MAPK1IP1L: variants seen among roughly 807,000 people sequenced by gnomAD.
MAPK1IP1L encodes mitogen-activated protein kinase 1 interacting protein 1 like, also known as MAPK-interacting and spindle-stabilizing protein-like.
In MAPK1IP1L, 10 loss-of-function variants were observed where a neutral mutation model predicts 18.1. The observed-to-expected ratio is 0.55, with a 90% CI of 0.34 to 0.94. The LOEUF (loss-of-function observed/expected upper bound fraction) is 0.94, where lower values mean the gene tolerates loss of function less well. Among genes scored for constraint, MAPK1IP1L ranks in the 40% least tolerant of loss-of-function variants. The pLI, the probability that MAPK1IP1L is intolerant of heterozygous loss-of-function variation, is 0.02. For synonymous variants in MAPK1IP1L, 115 were observed against 117.3 expected (o/e 0.98, Z 0.13); for missense variants, 260 against 318.2 (o/e 0.82, Z 1.39).
In MAPK1IP1L at chr14:55,063,189, G is replaced by A. The variant is rs148212738; in HGVS notation, c.590G>A (p.Gly197Glu). Residue 197 changes from glycine (G) to glutamate (E), a missense_variant, in exon 3 of 4, where the codon GGA (glycine) becomes GAA (glutamate). Physicochemically the swap from Gly to Glu is moderately conservative, Grantham distance 98. Coordinates refer to ENST00000395468, the MANE Select transcript of MAPK1IP1L (RefSeq NM_144578.4). Reference protein sequence around the residue: ...PPVPWGTVPPGAWGPPAPYPA... With the variant: ...PPVPWGTVPPEAWGPPAPYPA... ...GTTCCATGGGGCACCGTTCCACCAG[G>A]AGCCTGGGGACCACCAGCACCATAT... 19 of 1,614,132 alleles carry A rather than the reference G, an allele frequency of 1.2e-5. No individual in the cohort carries two copies. Among genetic ancestry groups the A allele is most frequent in the Non-Finnish European group, 1.5e-5 (18 of 1,180,034 alleles).
rs750049737 is a variant in MAPK1IP1L, at chr14:55,061,662, TTTC to T, written c.-4-15_-4-13del. On this transcript the variant is annotated splice_polypyrimidine_tract_variant and intron_variant, in intron 1 of 3. Transcript: ENST00000395468. ...TTTGAAATTTTTCTTTCTTCCTTCA[TTTC>T]TTTTCTTTTTTTAGGAAAATGTCTG... 1 of 1,541,344 alleles carries T rather than the reference TTTC, an allele frequency of 6.5e-7. No individual in the cohort carries two copies. Among genetic ancestry groups the T allele is most frequent in the South Asian group, 1.2e-5 (1 of 83,322 alleles).
chr14:55,054,183 T>C (rs944581904), intron 1 of MAPK1IP1L, among the ~76,000 whole-genome samples: 2 of 148,668 alleles, frequency 1.3e-5, no homozygotes, highest in Non-Finnish European at 3.0e-5. Flanking sequence ...TTTTCTTTTT[T>C]TTTTTTTTTT....
chr14:55,055,930 AAAAAC>A (rs1317441133), intron 1 of MAPK1IP1L, among the ~76,000 whole-genome samples: 4 of 152,212 alleles, frequency 2.6e-5, no homozygotes, highest in African/African-American at 9.6e-5. Context: ...ACTCCATCTC[AAAAAC>A]AAAACAAAAA....
chr14:55,063,317 G>A lies in MAPK1IP1L; in HGVS notation c.718G>A (p.Gly240Ser). Residue 240 changes from glycine (G) to serine (S), a missense_variant, in exon 3 of 4, where the codon GGC (glycine) becomes AGC (serine). Transcript: ENST00000395468. ...TTCTGGTGCTCCACCAATGCCTGGT[G>A]GCCCCCATGTGAGTGTTCAATTTGT... The part of the protein sequence containing the change: ...GPSGAPPMPG[G>S]PHSYH 2 of 1,609,938 alleles carry A rather than the reference G, an allele frequency of 1.2e-6. No homozygotes were observed. Among genetic ancestry groups the A allele is most frequent in the Non-Finnish European group, 8.5e-7 (1 of 1,177,266 alleles).
chr14:55,051,732 C>G lies in MAPK1IP1L; in HGVS notation c.-76C>G. 1.9e-6 allele frequency: 1 copy of G among 516,136 alleles called. No individual in the cohort carries two copies. Among genetic ancestry groups the G allele is most frequent in the Non-Finnish European group, 3.9e-6 (1 of 259,406 alleles). The allele number at this position is 516,136 out of a possible 1,614,324, so 32.0% of individuals were successfully genotyped here. A position where few individuals can be genotyped will look rare whatever the true frequency, so the allele number is the denominator to read the frequency against. On this transcript the variant is annotated 5_prime_UTR_variant, in exon 1 of 4. Coordinates refer to ENST00000395468, the MANE Select transcript of MAPK1IP1L (RefSeq NM_144578.4). ...TAGCTGCCGTCAGTCAGGCTGCGCC[C>G]GCGTCTTCAGGGCCCAGTCCCTCGG...
chr14:55,055,989 C>T (rs965553428), intron 1 of MAPK1IP1L, among the ~76,000 whole-genome samples: 2 of 152,104 alleles, frequency 1.3e-5, no homozygotes, highest in African/African-American at 2.4e-5. Flanking sequence ...TTAATATGTT[C>T]GGACCTTAGG....
In MAPK1IP1L at chr14:55,066,231, T is replaced by C. The variant is rs2042860973; in HGVS notation, c.*1604T>C. On this transcript the variant is annotated 3_prime_UTR_variant, in exon 4 of 4. Transcript: ENST00000395468. ...AGAATGCCAAATGCTGCCAGTTTTTTGGTTTGATAGCTACCTCCTTCTAAG... is the reference window on the plus strand; with the variant it reads ...AGAATGCCAAATGCTGCCAGTTTTTCGGTTTGATAGCTACCTCCTTCTAAG... 6.6e-6 allele frequency: 1 copy of C among 152,244 alleles called. No homozygotes were observed. Among genetic ancestry groups the C allele is most frequent in the Non-Finnish European group, 1.5e-5 (1 of 68,054 alleles). 9.4% of individuals were successfully genotyped at this position (152,244 alleles called of 1,614,324 possible).
intron 1 of MAPK1IP1L, among the ~76,000 whole-genome samples, chr14:55,052,185 C>T (rs61975399): frequency 0.015 from 2,307 of 150,816 alleles, 21 homozygotes; most frequent in Non-Finnish European, 0.024. Context: ...TGATCCCGGA[C>T]TCCCTTTGTT....
rs2042796853 is a variant in MAPK1IP1L, at chr14:55,059,244, AAG to A, written c.-4-2434_-4-2433del. On this transcript the variant is annotated intron_variant, in intron 1 of 3. Coordinates refer to ENST00000395468, the MANE Select transcript of MAPK1IP1L (RefSeq NM_144578.4). ...AAATCTGAAAAAAAAAAAAAAAAAA[AAG>A]ACAGTAGGGTGACTCACATTAATGT... Among the ~76,000 whole-genome samples, 5 of 150,600 alleles carry A rather than the reference AAG, an allele frequency of 3.3e-5. No individual in the cohort carries two copies. The South Asian group carries it at 6.3e-4, about 19-fold the overall frequency.
At chr14:55,053,263 T>C (rs2042744800) in intron 1 of MAPK1IP1L, among the ~76,000 whole-genome samples, 1 of 152,242 alleles carries the variant, frequency 6.6e-6, no homozygotes, top group Non-Finnish European at 1.5e-5. Context: ...CGATCTTCCT[T>C]TGCCTCAAGT....
chr14:55,058,845 T>A (rs1393204131), intron 1 of MAPK1IP1L, among the ~76,000 whole-genome samples: 4 of 149,696 alleles, frequency 2.7e-5, no homozygotes, highest in Non-Finnish European at 5.9e-5. Flanking sequence ...AAAAAAAAAA[T>A]ACTTGGGGGA....
chr14:55,057,641 A>G (rs978301215), intron 1 of MAPK1IP1L, among the ~76,000 whole-genome samples: 4 of 152,148 alleles, frequency 2.6e-5, no homozygotes, highest in Non-Finnish European at 5.9e-5. Flanking sequence ...CTGTAGTCCC[A>G]GCTACTCAGG....
rs1447103217 is a variant in MAPK1IP1L at position 55,067,128 on chromosome 14, TCTC to T, written c.*2504_*2506del. 1 of 149,270 alleles carries T rather than the reference TCTC, an allele frequency of 6.7e-6. No homozygotes were observed. The highest frequency in any genetic ancestry group is 1.5e-5 in the Non-Finnish European group (1 of 67,370). The allele number at this position is 149,270 out of a possible 1,614,324, so 9.2% of individuals were successfully genotyped here. On this transcript the variant is annotated 3_prime_UTR_variant, in exon 4 of 4. Coordinates refer to ENST00000395468, the MANE Select transcript of MAPK1IP1L (RefSeq NM_144578.4). ...ACTGTGTTAGCCAGGATGGTCTCGA[TCTC>T]CTGACCTCGTGATCTGCCCGCCTTG...
At chr14:55,053,623 C>T (rs1255125638) in intron 1 of MAPK1IP1L, among the ~76,000 whole-genome samples, 1 of 152,212 alleles carries the variant, frequency 6.6e-6, no homozygotes, top group African/African-American at 2.4e-5. Context: ...GGTCACTCTG[C>T]TAAGACTTTA....
rs1467733476 is a variant in MAPK1IP1L, at chr14:55,065,974, AACC to A, written c.*1352_*1354del. 6.9e-6 allele frequency: 1 copy of A among 144,850 alleles called. No homozygotes were observed. The allele number at this position is 144,850 out of a possible 1,614,324, so 9.0% of individuals were successfully genotyped here. On this transcript the variant is annotated 3_prime_UTR_variant, in exon 4 of 4. Transcript: ENST00000395468. Reference sequence around the variant, plus strand: ...TGCTTAAATATCAAGTATTGTTTATAACCACCAAAAAAAAAAAGCCCTGGTAGT... The same window carrying A: ...TGCTTAAATATCAAGTATTGTTTATAACCAAAAAAAAAAAGCCCTGGTAGT...
At chr14:55,059,225 G>GAAAAAAAAAAAAAAAAAAAAAAAAAATAA (rs3078612) in intron 1 of MAPK1IP1L, among the ~76,000 whole-genome samples, 1 of 63,276 alleles carries the variant, frequency 1.6e-5, no homozygotes, top group Admixed American at 2.0e-4. Context: ...AGGAAAATCT[G>GAAAAAAAAAAAAAAAAAAAAAAAAAATAA]AAAAAAAAAA....
chr14:55,058,106 T>TGGC (rs1262380295), intron 1 of MAPK1IP1L, among the ~76,000 whole-genome samples: 2 of 152,066 alleles, frequency 1.3e-5, no homozygotes, highest in Non-Finnish European at 2.9e-5. Context: ...CAGCACAGGG[T>TGGC]GCTCTCACCT....
In MAPK1IP1L at chr14:55,063,316, T is replaced by G; in HGVS notation, c.717T>G (p.Gly239=). 6.2e-7 allele frequency: 1 copy of G among 1,610,202 alleles called. No individual in the cohort carries two copies. The part of the protein sequence containing the change: ...SGPSGAPPMP[G]GPHSYH ...CTTCTGGTGCTCCACCAATGCCTGGTGGCCCCCATGTGAGTGTTCAATTTG... is the reference window on the plus strand; with the variant it reads ...CTTCTGGTGCTCCACCAATGCCTGGGGGCCCCCATGTGAGTGTTCAATTTG... The change falls in exon 3 of 4, where the codon GGT becomes GGG. Residue 239 remains glycine (G), a synonymous_variant. Transcript: ENST00000395468.
rs2042861141 is a variant in MAPK1IP1L, at chr14:55,066,258, A to T, written c.*1631A>T. 2 of 152,246 alleles carry T rather than the reference A, an allele frequency of 1.3e-5. No individual in the cohort carries two copies. Among genetic ancestry groups the T allele is most frequent in the Non-Finnish European group, 2.9e-5 (2 of 68,046 alleles). 9.4% of individuals were successfully genotyped at this position (152,246 alleles called of 1,614,324 possible). A position where few individuals can be genotyped will look rare whatever the true frequency, so the allele number is the denominator to read the frequency against. Reference sequence around the variant, plus strand: ...GTTTGATAGCTACCTCCTTCTAAGAAAGCAAAATGGTTACCTTTGAGAGGA... The same window carrying T: ...GTTTGATAGCTACCTCCTTCTAAGATAGCAAAATGGTTACCTTTGAGAGGA... On this transcript the variant is annotated 3_prime_UTR_variant, in exon 4 of 4. Coordinates refer to ENST00000395468, the MANE Select transcript of MAPK1IP1L (RefSeq NM_144578.4).
Sources: allele counts gnomAD v4.1 joint callset (sites outside exome capture counted in the v4.1 genomes callset), GRCh38; gene constraint gnomAD v4.1.1; transcripts MANE v1.5; gene names NCBI Gene and HGNC (gene_info 2026-07-23, HGNC 2026-07-21).